Variants in CCDC7 observed in about 807,000 individuals in gnomAD.
CCDC7 encodes the protein coiled-coil domain-containing protein 7.
In CCDC7, 183 loss-of-function variants were observed where a neutral mutation model predicts 196.9. The observed-to-expected ratio is 0.93, with a 90% CI of 0.82 to 1.05. The LOEUF is 1.05. CCDC7 is among the 50% of genes least tolerant of loss of function. CCDC7 has a pLI of 0.00. For synonymous variants in CCDC7, 525 were observed against 484.6 expected (o/e 1.08, Z -1.10); for missense variants, 1,540 against 1,482.2 (o/e 1.04, Z -0.64).
intron 28 of CCDC7, among the ~76,000 whole-genome samples, chr10:32,749,007 G>C (rs1304927920): frequency 1.3e-5 from 2 of 152,100 alleles, no homozygotes; most frequent in African/African-American, 4.8e-5. Context: ...AGCCTCCTTG[G>C]TGGTTTTATC....
At chr10:32,825,530 A>G (rs2090983804) in intron 32 of CCDC7, among the ~76,000 whole-genome samples, 1 of 152,122 alleles carries the variant, frequency 6.6e-6, no homozygotes, top group South Asian at 2.1e-4. Context: ...ATCTGTATCT[A>G]TCTATATATC....
chr10:32,531,532 C>G (rs557210431), intron 11 of CCDC7, among the ~76,000 whole-genome samples: 5 of 152,240 alleles, frequency 3.3e-5, no homozygotes, highest in East Asian at 1.9e-4. Context: ...TTTGCTGTGT[C>G]TCTGTCTGGT....
At chr10:32,484,698 T>A (rs1208930760) in intron 8 of CCDC7, among the ~76,000 whole-genome samples, 3 of 152,210 alleles carry the variant, frequency 2.0e-5, no homozygotes, top group African/African-American at 7.2e-5. Context: ...TTGAGAGTTT[T>A]TAGCATGAAG....
At chr10:32,653,220 T>C (rs529596496) in intron 20 of CCDC7, among the ~76,000 whole-genome samples, 5 of 152,270 alleles carry the variant, frequency 3.3e-5, no homozygotes, top group African/African-American at 1.2e-4. Flanking sequence ...GGACTCAGGT[T>C]CCTCTTGCTG....
chr10:32,664,032 C>T, intron 20 of CCDC7, 22 bp from the exon 22 acceptor site: 1 of 393,666 alleles, frequency 2.5e-6, no homozygotes, highest in Non-Finnish European at 4.5e-6. Flanking sequence ...GTTTAGTGCA[C>T]TAAATTTATT....
At chr10:32,537,289 T>G (rs1384017448) in intron 11 of CCDC7, among the ~76,000 whole-genome samples, 2 of 152,228 alleles carry the variant, frequency 1.3e-5, no homozygotes, top group African/African-American at 4.8e-5. Context: ...GTTGGCTACA[T>G]GTATGTCTTC....
chr10:32,706,497 C>T (rs183339449), intron 24 of CCDC7, among the ~76,000 whole-genome samples: 8 of 152,038 alleles, frequency 5.3e-5, no homozygotes, highest in Admixed American at 3.3e-4. Context: ...GATAGAGACA[C>T]AAAAAACCCT....
At chr10:32,585,577 A>G (rs1454015974) in intron 18 of CCDC7, among the ~76,000 whole-genome samples, 1 of 151,596 alleles carries the variant, frequency 6.6e-6, no homozygotes, top group East Asian at 1.9e-4. Flanking sequence ...CCCTGTGTCC[A>G]TGTGTTCTCA....
exon 22 of CCDC7, chr10:32,686,071 C>T (rs527725514): frequency 1.7e-5 from 24 of 1,423,490 alleles, no homozygotes; most frequent in Non-Finnish European, 2.3e-5. Flanking sequence ...TACAGAGCAA[C>T]CACTCACCAG....
intron 11 of CCDC7, among the ~76,000 whole-genome samples, chr10:32,541,862 AC>A (rs938335005): frequency 5.9e-5 from 9 of 152,102 alleles, no homozygotes; most frequent in Non-Finnish European, 1.2e-4. Context: ...AGGGGCTCTC[AC>A]CCTTTCACAT....
intron 28 of CCDC7, among the ~76,000 whole-genome samples, chr10:32,757,167 C>T (rs1421592667): frequency 6.6e-6 from 1 of 151,996 alleles, no homozygotes; most frequent in African/African-American, 2.4e-5. Flanking sequence ...ACTTTAACAC[C>T]CCACTGTCAA....
intron 28 of CCDC7, among the ~76,000 whole-genome samples, chr10:32,761,723 A>G (rs1378836565): frequency 1.3e-5 from 2 of 152,008 alleles, no homozygotes; most frequent in Non-Finnish European, 2.9e-5. Context: ...TCCCAATTTT[A>G]TAGGATATCT....
At chr10:32,669,970 G>T (rs1011655997) in intron 21 of CCDC7, among the ~76,000 whole-genome samples, 2 of 152,102 alleles carry the variant, frequency 1.3e-5, no homozygotes, top group Non-Finnish European at 2.9e-5. Context: ...TGGTGAGCAT[G>T]GAGTCAATCC....
Position 32,589,431 on chromosome 10 carries a change from G to T in CCDC7, c.1801+5127G>T, listed in dbSNP as rs778968626. Among the ~76,000 whole-genome samples, 106 of 152,070 alleles carry T rather than the reference G, an allele frequency of 7.0e-4. 1 individual carries two copies. The Middle Eastern group carries it at 0.014, about 20-fold the overall frequency. On this transcript the variant is annotated intron_variant, in intron 18 of 41. Coordinates refer to ENST00000639629, the Ensembl canonical transcript of CCDC7. Reference sequence around the variant, plus strand: ...ACACTTAGGCTGCTTCCAAATCTTGGCTATTTCATTATTTTGAATGTTCTA... The same window carrying T: ...ACACTTAGGCTGCTTCCAAATCTTGTCTATTTCATTATTTTGAATGTTCTA...
chr10:32,487,077 T>C (rs1194738443), intron 8 of CCDC7, among the ~76,000 whole-genome samples: 1 of 152,226 alleles, frequency 6.6e-6, no homozygotes, highest in Non-Finnish European at 1.5e-5. Flanking sequence ...GATAATATCC[T>C]GAAGAGTGTT....
intron 39 of CCDC7, 42 bp from the exon 41 acceptor site, chr10:32,851,765 G>A (rs753360049): frequency 6.4e-7 from 1 of 1,552,314 alleles, no homozygotes; most frequent in South Asian, 1.2e-5. Context: ...AATTACAAAT[G>A]TCATCTATTG....
At chr10:32,466,893 T>C (rs2036911732) in intron 5 of CCDC7, among the ~76,000 whole-genome samples, 1 of 152,184 alleles carries the variant, frequency 6.6e-6, no homozygotes, top group Admixed American at 6.5e-5. Context: ...CCACCAACAA[T>C]GTATAAGCAT....
chr10:32,523,987 A>G (rs2048277567), intron 11 of CCDC7, among the ~76,000 whole-genome samples: 1 of 149,348 alleles, frequency 6.7e-6, no homozygotes, highest in Non-Finnish European at 1.5e-5. Context: ...ATTCAGTGTT[A>G]TTATTCATAA....
At chr10:32,825,647 T>C (rs1199128713) in intron 32 of CCDC7, among the ~76,000 whole-genome samples, 2 of 152,168 alleles carry the variant, frequency 1.3e-5, no homozygotes, top group African/African-American at 2.4e-5. Flanking sequence ...GATGGAGTTC[T>C]TTTGTTGGTT....
Sources: allele counts gnomAD v4.1 joint callset (sites outside exome capture counted in the v4.1 genomes callset), GRCh38; gene constraint gnomAD v4.1.1; transcripts MANE v1.5; gene names NCBI Gene and HGNC (gene_info 2026-07-23, HGNC 2026-07-21).